CSPG4: variants seen among roughly 807,000 people sequenced by gnomAD.
CSPG4 encodes chondroitin sulfate proteoglycan 4.
Under a neutral mutation model 139.3 loss-of-function variants are expected in CSPG4, and 74 were observed. That is an observed-to-expected ratio of 0.53 (90% confidence interval 0.44 to 0.64). CSPG4 has a LOEUF of 0.64. Ranked by LOEUF, CSPG4 falls within the 30% of genes least tolerant of loss-of-function variation. The pLI is 0.00. For missense variants in CSPG4, 2,565 were observed against 3,148.3 expected (o/e 0.81, Z 4.43); for synonymous variants, 1,234 against 1,394.2 (o/e 0.89, Z 2.56).
At chr15:75,700,741 G>A (rs1292262694) in intron 1 of CSPG4, among the ~76,000 whole-genome samples, 1 of 152,154 alleles carries the variant, frequency 6.6e-6, no homozygotes, top group Non-Finnish European at 1.5e-5. Flanking sequence ...GGCGTCTCGG[G>A]GCTTCCCCAG....
In CSPG4 at chr15:75,685,588, G is replaced by C. The variant is rs374774322; in HGVS notation, c.3903C>G (p.Ser1301Arg). 1.1e-5 allele frequency: 18 copies of C among 1,609,418 alleles called. No individual in the cohort carries two copies. The African/African-American group carries it at 2.4e-4, about 21-fold the overall frequency. ...GGGAGAAGCTCTGCACAGGGTCCAG[G>C]CTGGGTGGCTCATCTGCCAAGGCGC... ...SRGALADEPP[S>R]LDPVQSFSQE... Residue 1301 changes from serine to arginine, a missense_variant, in exon 4 of 10, where the codon AGC becomes AGG. This residue lies in a region of CSPG4 where 2,316 missense variants were observed against 2,818.2 expected (regional missense o/e 0.82). Transcript: ENST00000308508.
At chr15:75,710,470 A>T (rs1894434651) in intron 1 of CSPG4, among the ~76,000 whole-genome samples, 1 of 151,960 alleles carries the variant, frequency 6.6e-6, no homozygotes, top group Non-Finnish European at 1.5e-5. Flanking sequence ...GCACCCTCGA[A>T]GCAGGGCTGG....
Position 75,685,432 on chromosome 15 carries a change from C to T in CSPG4, c.4059G>A (p.Val1353=), listed in dbSNP as rs1325759797. 1 of 1,612,320 alleles carries T rather than the reference C, an allele frequency of 6.2e-7. No individual in the cohort carries two copies. The highest frequency in any genetic ancestry group is 8.5e-7 in the Non-Finnish European group (1 of 1,179,912). The change falls in exon 4 of 10, where the codon GTG becomes GTA. Residue 1353 remains valine (V), a synonymous_variant. Transcript: ENST00000308508. ...CCTCTAGTGGGATGGCAGCGGGCAG[C>T]ACCTCCAGCTCCACAAGGACGCCCT... ...PLEGVLVELE[V]LPAAIPLEAQ...
At chr15:75,682,213 A>T in intron 8 of CSPG4, 80 bp downstream of exon 8, 1 of 1,531,216 alleles carries the variant, frequency 6.5e-7, no homozygotes, top group Non-Finnish European at 8.9e-7. Context: ...GCTGGCATCC[A>T]TGTCCACATG....
rs563771311 is a variant in CSPG4 at position 75,676,597 on chromosome 15, C to A, written c.5922G>T (p.Glu1974Asp). Residue 1974 changes from glutamate (E) to aspartate (D), a missense_variant, in exon 10 of 10, where the codon GAG (glutamate) becomes GAT (aspartate). By Grantham distance (45) the Glu-to-Asp change is conservative (BLOSUM62 2). Coordinates refer to ENST00000308508, the MANE Select transcript of CSPG4 (RefSeq NM_001897.5). ...GGATGAGGCGGTATGCTGCCTCTGG[C>A]TCCTCCCGATCTGAAACCACCCGGA... ...QQLRVVSDRE[E>D]PEAAYRLIQG... 1 of 1,611,772 alleles carries A rather than the reference C, an allele frequency of 6.2e-7. No individual in the cohort carries two copies. The highest frequency in any genetic ancestry group is 8.5e-7 in the Non-Finnish European group (1 of 1,179,348).
chr15:75,691,673 A>C (rs1223881397), intron 2 of CSPG4, among the ~76,000 whole-genome samples: 1 of 152,156 alleles, frequency 6.6e-6, no homozygotes, highest in East Asian at 1.9e-4. Context: ...GTGGAAGGAG[A>C]TCTTGGGGAG....
At chr15:75,680,771 C>G (rs962420359) in intron 8 of CSPG4, 1 of 153,536 alleles carries the variant, frequency 6.5e-6, no homozygotes, top group African/African-American at 2.4e-5. Context: ...GTTTCCTTAT[C>G]TGAAAAATGG....
At chr15:75,712,955 C>T, upstream of CSPG4, 1 of 535,288 alleles carries the variant, frequency 1.9e-6, no homozygotes, top group Non-Finnish European at 3.3e-6. Flanking sequence ...CCCCCACCCT[C>T]AACCTTCTTA....
chr15:75,709,451 T>C (rs1336332524), intron 1 of CSPG4, among the ~76,000 whole-genome samples: 1 of 152,110 alleles, frequency 6.6e-6, no homozygotes, highest in Admixed American at 6.5e-5. Context: ...TGGCCTTGAA[T>C]AGAAGACACA....
intron 1 of CSPG4, among the ~76,000 whole-genome samples, chr15:75,704,234 C>T (rs1232143111): frequency 6.6e-6 from 1 of 151,642 alleles, no homozygotes; most frequent in African/African-American, 2.4e-5. Flanking sequence ...ACCTAGGAGA[C>T]TGAAGATTCC....
Position 75,712,767 on chromosome 15 carries a change from G to T in CSPG4, c.-12C>A. On this transcript the variant is annotated 5_prime_UTR_variant, in exon 1 of 10. Coordinates refer to ENST00000308508, the MANE Select transcript of CSPG4 (RefSeq NM_001897.5). The stretch of plus-strand genomic sequence containing the variant: ...GGCCCGGACTGCATCCCGGCGGGCT[G>T]GGCGGCAGGACTTGCGAGGAGCCAG... The T allele has an allele frequency of 6.5e-7, 1 of 1,538,936 alleles. No individual in the cohort carries two copies. The highest frequency in any genetic ancestry group is 1.2e-5 in the South Asian group (1 of 83,358).
In CSPG4 at chr15:75,688,731, G is replaced by A; in HGVS notation, c.2334C>T (p.Thr778=). Residue 778 remains threonine (T), a synonymous_variant, in exon 3 of 10, where the codon ACC becomes ACT. Coordinates refer to ENST00000308508, the MANE Select transcript of CSPG4 (RefSeq NM_001897.5). ...GCATCCACACAGTGGCTCTCTGGATGGTCACTGGGAAGGACAGATTGCTCA... is the reference window on the plus strand; with the variant it reads ...GCATCCACACAGTGGCTCTCTGGATAGTCACTGGGAAGGACAGATTGCTCA... The part of the protein sequence containing the change: ...EILSNLSFPV[T]IQRATVWMLR... 6.2e-7 allele frequency: 1 copy of A among 1,611,520 alleles called. No individual in the cohort carries two copies. Among genetic ancestry groups the A allele is most frequent in the Non-Finnish European group, 8.5e-7 (1 of 1,178,984 alleles).
chr15:75,682,739 T>C lies in CSPG4; in HGVS notation c.4651A>G (p.Thr1551Ala), dbSNP rs1893992303. The change falls in exon 7 of 10, where the codon ACC becomes GCC. Residue 1551 changes from threonine to alanine, a missense_variant and splice_region_variant. Thr to Ala is a moderately conservative substitution (Grantham distance 58). Transcript: ENST00000308508. ...CGGAAGCGGAAGCCTCCATCCAGGG[T>C]TCCTGGGGACAGGGGCATTGGGTCC... ...GGLVLFSHRGTLDGGFRFRLS... is the reference protein window; with the variant it reads ...GGLVLFSHRGALDGGFRFRLS... 3 of 1,612,578 alleles carry C rather than the reference T, an allele frequency of 1.9e-6. No homozygotes were observed. The highest frequency in any genetic ancestry group is 1.7e-4 in the Middle Eastern group (1 of 6,058).
At chr15:75,681,183 TG>T (rs1472567836) in intron 8 of CSPG4, among the ~76,000 whole-genome samples, 2 of 152,198 alleles carry the variant, frequency 1.3e-5, no homozygotes, top group Non-Finnish European at 2.9e-5. Flanking sequence ...AACCTGGGAC[TG>T]GGAGGTGTTG....
In CSPG4 at chr15:75,682,672, C is replaced by G. The variant is rs752045565; in HGVS notation, c.4718G>C (p.Arg1573Pro). The change falls in exon 7 of 10, where the codon CGA (arginine) becomes CCA (proline). Residue 1573 changes from arginine to proline, a missense_variant. Around this residue, in one of 5 missense-constraint regions of CSPG4, gnomAD observed 2,316 missense variants for 2,818.2 expected, o/e 0.82. Coordinates refer to ENST00000308508, the MANE Select transcript of CSPG4 (RefSeq NM_001897.5). The stretch of plus-strand genomic sequence containing the variant: ...GAGCACTTGCTTCTGGGCCGTCACT[C>G]GGAAGAAGTGTCCGGGGGAAGTGTG... ...GEHTSPGHFF[R>P]VTAQKQVLLS... 1.2e-6 allele frequency: 2 copies of G among 1,613,002 alleles called. No homozygotes were observed. The highest frequency in any genetic ancestry group is 2.7e-5 in the African/African-American group (2 of 74,942).
chr15:75,675,964 T>A lies in CSPG4; in HGVS notation c.6555A>T (p.Glu2185Asp). Residue 2185 changes from glutamate to aspartate, a missense_variant, in exon 10 of 10, where the codon GAA (glutamate) becomes GAT (aspartate). Glu to Asp is a conservative substitution (Grantham distance 45). Coordinates refer to ENST00000308508, the MANE Select transcript of CSPG4 (RefSeq NM_001897.5). ...GGGTGCTGCTCTCTGGCTTCCCTGC[T>A]TCCGTCCGGGCGGCCTCGGGGACAC... ...LLSVPEAART[E>D]AGKPESSTPT... is the part of the protein sequence containing the mutation. The A allele has an allele frequency of 6.3e-7, 1 of 1,583,668 alleles. No individual in the cohort carries two copies. Among genetic ancestry groups the A allele is most frequent in the Non-Finnish European group, 8.6e-7 (1 of 1,169,210 alleles).
Position 75,676,227 on chromosome 15 carries a change from GCACGCGGAC to G in CSPG4, c.6283_6291del (p.Val2095_Val2097del), listed in dbSNP as rs763615709. ...CCCCCGGGCTCCGTCCTGGCTCGGG[GCACGCGGAC>G]CACGCGGCCATGCCGGGGTCCCTCC... On this transcript the variant is annotated inframe_deletion, in exon 10 of 10. Transcript: ENST00000308508. 1 of 1,552,260 alleles carries G rather than the reference GCACGCGGAC, an allele frequency of 6.4e-7. No homozygotes were observed. Among genetic ancestry groups the G allele is most frequent in the Non-Finnish European group, 8.7e-7 (1 of 1,155,748 alleles).
At chr15:75,709,567 C>T (rs1303827673) in intron 1 of CSPG4, among the ~76,000 whole-genome samples, 2 of 152,220 alleles carry the variant, frequency 1.3e-5, no homozygotes, top group African/African-American at 4.8e-5. Context: ...GCAGTAGCCA[C>T]CTCGTCCAGG....
rs972932178 is a variant in CSPG4 at position 75,682,220 on chromosome 15, CA to C, written c.4950+72del. 7.8e-6 allele frequency: 12 copies of C among 1,531,922 alleles called. No homozygotes were observed. In the African/African-American group the frequency reaches 1.6e-4, roughly 21 times the overall value. The allele number at this position is 1,531,922 out of a possible 1,614,324, so 94.9% of individuals were successfully genotyped here. A position where few individuals can be genotyped will look rare whatever the true frequency, so the allele number is the denominator to read the frequency against. On this transcript the variant is annotated intron_variant, in intron 8 of 9. Transcript: ENST00000308508. Reference sequence around the variant, plus strand: ...ATGCTGGAGCTGGCATCCATGTCCACATGATGTCCATGGCACAGCGGCCACC... The same window carrying C: ...ATGCTGGAGCTGGCATCCATGTCCACTGATGTCCATGGCACAGCGGCCACC...
Sources: gnomAD v4.1 joint callset for allele counts (sites outside exome capture counted in the v4.1 genomes callset) on GRCh38, gnomAD v4.1.1 for gene constraint, gnomAD v4.1.1 regional missense constraint, MANE v1.5 for transcripts, NCBI Gene and HGNC (gene_info 2026-07-23, HGNC 2026-07-21) for gene names.